LHFPL6: variants seen among roughly 807,000 people sequenced by gnomAD.
The protein encoded by LHFPL6 is LHFPL tetraspan subfamily member 6 protein.
Under a neutral mutation model 20.6 loss-of-function variants are expected in LHFPL6, and 9 were observed. The ratio of observed to expected loss-of-function variants is 0.44; its 90% confidence interval spans 0.26 to 0.76. The LOEUF (loss-of-function observed/expected upper bound fraction) is 0.76, where lower values mean the gene tolerates loss of function less well. LHFPL6 is among the 30% of genes least tolerant of loss of function. The probability of loss-of-function intolerance (pLI) is 0.20; values close to 1 mark genes in which losing one functional copy is unlikely to be tolerated. For synonymous variants in LHFPL6, 105 were observed against 98.7 expected (o/e 1.06, Z -0.38); for missense variants, 218 against 253.5 (o/e 0.86, Z 0.95).
At chr13:39,455,621 T>C (rs904728012) in intron 2 of LHFPL6, among the ~76,000 whole-genome samples, 2 of 152,182 alleles carry the variant, frequency 1.3e-5, no homozygotes, top group East Asian at 3.9e-4. Flanking sequence ...AGAAATGCCT[T>C]ATGAGGACAA....
intron 2 of LHFPL6, among the ~76,000 whole-genome samples, chr13:39,512,840 C>A (rs7335007): frequency 0.28 from 42,313 of 152,114 alleles, 7,187 homozygotes; most frequent in African/African-American, 0.48. Context: ...GAGAGTCTCT[C>A]TCTCTGCCAG....
intron 2 of LHFPL6, among the ~76,000 whole-genome samples, chr13:39,476,354 C>T (rs943719620): frequency 5.9e-5 from 9 of 152,272 alleles, no homozygotes; most frequent in African/African-American, 2.2e-4. Context: ...TTTATTTCAG[C>T]ACATGTTAAT....
At chr13:39,466,851 T>C (rs1334597193) in intron 2 of LHFPL6, among the ~76,000 whole-genome samples, 1 of 152,186 alleles carries the variant, frequency 6.6e-6, no homozygotes, top group African/African-American at 2.4e-5. Flanking sequence ...CTGATGTAGG[T>C]TTTTCTAAGT....
intron 2 of LHFPL6, among the ~76,000 whole-genome samples, chr13:39,505,706 C>G (rs1044787008): frequency 1.5e-4 from 23 of 152,160 alleles, no homozygotes; most frequent in African/African-American, 4.6e-4. Context: ...TTTGGGGGTG[C>G]TGTGGAGGGA....
At chr13:39,566,731 T>TA (rs3035077) in intron 2 of LHFPL6, among the ~76,000 whole-genome samples, 1,985 of 70,050 alleles carry the variant, frequency 0.028, 86 homozygotes, top group African/African-American at 0.061. Flanking sequence ...AGACCCTGTC[T>TA]AAAAAAAAAA....
At chr13:39,509,303 CA>C (rs1295122518) in intron 2 of LHFPL6, among the ~76,000 whole-genome samples, 19 of 151,962 alleles carry the variant, frequency 1.3e-4, no homozygotes, top group African/African-American at 4.1e-4. Flanking sequence ...AATAGTCATT[CA>C]TTTTTTTTTC....
At position 39,441,137 on chromosome 13, in the gene LHFPL6, A is replaced by ATT. The variant is rs57695621; in HGVS notation, c.386-62613_386-62612dup. Reference sequence around the variant, plus strand: ...CAGGCATGTGCCACCATGCCAACTAATTTTTTTTTTTTTTTTTTTTTTTTT... The same window carrying ATT: ...CAGGCATGTGCCACCATGCCAACTAATTTTTTTTTTTTTTTTTTTTTTTTTTT... On this transcript the variant is annotated intron_variant, in intron 2 of 3. Transcript: ENST00000379589. Among the ~76,000 whole-genome samples, 651 of 91,444 alleles carry ATT rather than the reference A, an allele frequency of 7.1e-3. 36 individuals carry two copies. The highest frequency in any genetic ancestry group is 0.019 in the South Asian group (50 of 2,608). The allele number at this position is 91,444 out of a possible 152,430, so 60.0% of individuals were successfully genotyped here. A position where few individuals can be genotyped will look rare whatever the true frequency, so the allele number is the denominator to read the frequency against.
intron 2 of LHFPL6, among the ~76,000 whole-genome samples, chr13:39,467,914 C>T (rs916943796): frequency 3.9e-5 from 6 of 152,118 alleles, no homozygotes; most frequent in Non-Finnish European, 8.8e-5. Context: ...ATCACTTTCC[C>T]GTGATTTTTC....
intron 2 of LHFPL6, among the ~76,000 whole-genome samples, chr13:39,383,414 A>T (rs1475351200): frequency 1.3e-5 from 2 of 152,230 alleles, no homozygotes; most frequent in Admixed American, 1.3e-4. Flanking sequence ...TTAAATGTTA[A>T]GTTAATTAAG....
chr13:39,418,304 C>T (rs1344388977), intron 2 of LHFPL6, among the ~76,000 whole-genome samples: 3 of 147,728 alleles, frequency 2.0e-5, no homozygotes, highest in Admixed American at 2.0e-4. Flanking sequence ...ATAATAGATT[C>T]AAAATGAAAT....
At chr13:39,442,903 C>G (rs754021468) in intron 2 of LHFPL6, among the ~76,000 whole-genome samples, 1 of 152,114 alleles carries the variant, frequency 6.6e-6, no homozygotes, top group African/African-American at 2.4e-5. Flanking sequence ...AGTTCCTGAG[C>G]TAACTGAAGC....
At chr13:39,489,738 A>C (rs1055958302) in intron 2 of LHFPL6, among the ~76,000 whole-genome samples, 5 of 151,964 alleles carry the variant, frequency 3.3e-5, no homozygotes, top group African/African-American at 1.2e-4. Context: ...TTTTTAGTAG[A>C]GACGACGTGT....
In LHFPL6 at chr13:39,572,783, A is replaced by T. The variant is rs557309172; in HGVS notation, c.385+28049T>A. Among the ~76,000 whole-genome samples the T allele has an allele frequency of 3.3e-5, 5 of 152,312 alleles. No homozygotes were observed. In the South Asian group the frequency reaches 1.0e-3, roughly 32 times the overall value. On this transcript the variant is annotated intron_variant, in intron 2 of 3. Transcript: ENST00000379589. ...CTGAGTTTGCATACCCAAGCCATCAAAAACTGGTAGAAAAAGCCATCTTTC... is the reference window on the plus strand; with the variant it reads ...CTGAGTTTGCATACCCAAGCCATCATAAACTGGTAGAAAAAGCCATCTTTC...
intron 2 of LHFPL6, among the ~76,000 whole-genome samples, chr13:39,447,377 A>G (rs1314229451): frequency 2.0e-5 from 3 of 152,076 alleles, no homozygotes; most frequent in Non-Finnish European, 1.5e-5. Flanking sequence ...TTAAATTGAT[A>G]TATCTAATTT....
At chr13:39,520,535 A>C (rs1355423766) in intron 2 of LHFPL6, among the ~76,000 whole-genome samples, 1 of 152,188 alleles carries the variant, frequency 6.6e-6, no homozygotes, top group Non-Finnish European at 1.5e-5. Flanking sequence ...AGTCTTCCAG[A>C]CTGTGACGAA....
At position 39,419,588 on chromosome 13, in the gene LHFPL6, T is replaced by C. The variant is rs561656204; in HGVS notation, c.386-41062A>G. 5.3e-5 allele frequency among the ~76,000 whole-genome samples: 8 copies of C among 152,364 alleles called. No homozygotes were observed. The East Asian group carries it at 1.3e-3, about 26-fold the overall frequency. ...GTTTTAGCTTTTACTAAAGTTGTAA[T>C]ATTCCTAATTGAGCAAAGTAGTTTA... On this transcript the variant is annotated intron_variant, in intron 2 of 3. Coordinates refer to ENST00000379589, the MANE Select transcript of LHFPL6 (RefSeq NM_005780.3).
intron 2 of LHFPL6, among the ~76,000 whole-genome samples, chr13:39,481,009 G>T (rs1868492622): frequency 6.6e-6 from 1 of 152,150 alleles, no homozygotes; most frequent in Non-Finnish European, 1.5e-5. Context: ...ATATTTATAA[G>T]TCTACAGATG....
chr13:39,463,926 C>G (rs1288083255), intron 2 of LHFPL6, among the ~76,000 whole-genome samples: 1 of 152,188 alleles, frequency 6.6e-6, no homozygotes, highest in African/African-American at 2.4e-5. Flanking sequence ...GCAAACCTAA[C>G]ATATTGATGC....
chr13:39,345,086 T>C (rs1426416815), intron 3 of LHFPL6, among the ~76,000 whole-genome samples: 2 of 152,244 alleles, frequency 1.3e-5, no homozygotes, highest in African/African-American at 4.8e-5. Context: ...CAGCCGGTCT[T>C]ACCATCTTAT....
Sources: gnomAD v4.1 joint callset for allele counts (sites outside exome capture counted in the v4.1 genomes callset) on GRCh38, gnomAD v4.1.1 for gene constraint, MANE v1.5 for transcripts, NCBI Gene and HGNC (gene_info 2026-07-23, HGNC 2026-07-21) for gene names.